The following AGAP1 variants were observed in gnomAD, a reference collection of about 807,000 sequenced individuals.
The protein encoded by AGAP1 is ArfGAP with GTPase domain, ankyrin repeat and PH domain 1, also known as arf-GAP with GTPase, ANK repeat and PH domain-containing protein 1.
In AGAP1, 29 loss-of-function variants were observed where a neutral mutation model predicts 105.3. The observed-to-expected ratio is 0.28, with a 90% confidence interval of 0.21 to 0.38. The LOEUF (loss-of-function observed/expected upper bound fraction) is 0.38. AGAP1 is among the 10% of genes least tolerant of loss of function. The probability of loss-of-function intolerance (pLI) is 1.00; values close to 1 mark genes in which losing one functional copy is unlikely to be tolerated. For missense variants in AGAP1, 998 were observed against 1,165.1 expected (o/e 0.86, Z 2.09); for synonymous variants, 509 against 485.9 (o/e 1.05, Z -0.63).
chr2:236,063,861 A>G (rs1333190006), intron 16 of AGAP1, among the ~76,000 whole-genome samples: 2 of 152,222 alleles, frequency 1.3e-5, no homozygotes, highest in East Asian at 3.8e-4. Context: ...AATTTCATCA[A>G]CCAGGGGTCT....
rs2057030151 is a variant in AGAP1, at chr2:236,025,777, C to G, written c.1646-10784C>G. ...AGACGCTGGGCGTGGTGGCTCACAC[C>G]TGTAATCCCAGCTACTCAGGAGGCT... On this transcript the variant is annotated intron_variant, in intron 13 of 17. Transcript: ENST00000304032. Among the ~76,000 whole-genome samples, 5 of 152,260 alleles carry G rather than the reference C, an allele frequency of 3.3e-5. No homozygotes were observed. The South Asian group carries it at 8.3e-4, about 25-fold the overall frequency.
chr2:235,914,877 T>C (rs1348257240), intron 11 of AGAP1, among the ~76,000 whole-genome samples: 1 of 152,174 alleles, frequency 6.6e-6, no homozygotes, highest in Non-Finnish European at 1.5e-5. Flanking sequence ...CAGGAGAGCA[T>C]GCATCGGAAC....
chr2:235,886,326 A>G (rs968667072), intron 10 of AGAP1, among the ~76,000 whole-genome samples: 1 of 152,246 alleles, frequency 6.6e-6, no homozygotes, highest in African/African-American at 2.4e-5. Flanking sequence ...TCCAGTCAAC[A>G]TATGCTCACT....
rs1435028150 is a variant in AGAP1, at chr2:235,799,503, G to A, written c.938G>A (p.Arg313His). 1.1e-5 allele frequency: 18 copies of A among 1,614,122 alleles called. No homozygotes were observed. Among genetic ancestry groups the A allele is most frequent in the Non-Finnish European group, 1.3e-5 (15 of 1,180,024 alleles). The stretch of plus-strand genomic sequence containing the variant: ...ACGCCCGTTCGCAAGCAGTCTAAGC[G>A]CCGGTCCAACCTGTTCACCGTGAGT... ...TPTPVRKQSK[R>H]RSNLFTSRKG... Residue 313 changes from arginine (R) to histidine (H), a missense_variant, in exon 8 of 18, where the codon CGC becomes CAC. Around this residue, in one of 3 missense-constraint regions of AGAP1, gnomAD observed 735 missense variants for 833.4 expected, o/e 0.88. Transcript: ENST00000304032. This position sits in a 1 kb window ranked among gnomAD's most constrained non-coding sequence, Gnocchi z 5.0.
chr2:236,074,532 T>C (rs531067053), intron 16 of AGAP1, among the ~76,000 whole-genome samples: 1 of 152,310 alleles, frequency 6.6e-6, no homozygotes, highest in African/African-American at 2.4e-5. Context: ...GTCCATTTGC[T>C]CTTACGAGAT....
At chr2:235,501,444 G>GT (rs1286503730) in intron 1 of AGAP1, among the ~76,000 whole-genome samples, 5 of 152,138 alleles carry the variant, frequency 3.3e-5, no homozygotes, top group Non-Finnish European at 5.9e-5. Context: ...CTGAAAGCGC[G>GT]TTTCTGTAAA....
intron 9 of AGAP1, among the ~76,000 whole-genome samples, chr2:235,862,418 G>C (rs909265901): frequency 2.6e-5 from 4 of 152,200 alleles, no homozygotes; most frequent in Non-Finnish European, 5.9e-5. Flanking sequence ...CGTGCACATG[G>C]AATGTTTCTG....
chr2:235,605,743 A>G (rs2149244948), intron 1 of AGAP1, among the ~76,000 whole-genome samples: 1 of 152,344 alleles, frequency 6.6e-6, no homozygotes, highest in East Asian at 1.9e-4. Context: ...CGGTCAGCAC[A>G]TTTTTGTTGT....
At chr2:235,937,357 G>A (rs1042634252) in intron 12 of AGAP1, among the ~76,000 whole-genome samples, 2 of 151,994 alleles carry the variant, frequency 1.3e-5, no homozygotes, top group African/African-American at 4.8e-5. Flanking sequence ...CTGGACACAG[G>A]GGGTGAAAGG....
rs910785450 is a variant in AGAP1, at chr2:235,931,526, C to T, written c.1483+603C>T. On this transcript the variant is annotated intron_variant, in intron 12 of 17. Coordinates refer to ENST00000304032, the MANE Select transcript of AGAP1 (RefSeq NM_001037131.3). This position sits in a 1 kb window ranked among gnomAD's most constrained non-coding sequence, Gnocchi z 5.6. ...AAACGATCTCGCCGTCTGTGTGGAG[C>T]GTGAATGACGCAGCACCGAGGGCAC... Among the ~76,000 whole-genome samples the T allele has an allele frequency of 1.2e-4, 19 of 152,024 alleles. No individual in the cohort carries two copies. The highest frequency in any genetic ancestry group is 4.3e-4 in the African/African-American group (18 of 41,472).
chr2:236,032,830 G>A (rs999230714), intron 13 of AGAP1, among the ~76,000 whole-genome samples: 5 of 152,154 alleles, frequency 3.3e-5, no homozygotes, highest in South Asian at 2.1e-4. Context: ...GCAGAGAGAC[G>A]GGAGGAAAGG....
Position 235,608,776 on chromosome 2 carries a change from G to C in AGAP1, c.164-100403G>C, listed in dbSNP as rs535439490. On this transcript the variant is annotated intron_variant, in intron 1 of 17. Transcript: ENST00000304032. This position sits in a 1 kb window ranked among gnomAD's most constrained non-coding sequence, Gnocchi z 5.4. ...GAGCAATTTTCCATGGAATATATCT[G>C]ATGGCAGGTCTTGAGGTCAGTCTGT... Among the ~76,000 whole-genome samples, 1 of 152,270 alleles carries C rather than the reference G, an allele frequency of 6.6e-6. No individual in the cohort carries two copies. The highest frequency in any genetic ancestry group is 2.1e-4 in the South Asian group (1 of 4,824).
intron 1 of AGAP1, among the ~76,000 whole-genome samples, chr2:235,686,588 C>CACATAT (rs1553605459): frequency 7.4e-5 from 8 of 108,508 alleles, no homozygotes; most frequent in African/African-American, 2.0e-4. Flanking sequence ...CACACACACA[C>CACATAT]GTGTGTGTGT....
Position 235,960,548 on chromosome 2 carries a change from C to T in AGAP1, c.1484-7914C>T, listed in dbSNP as rs905147113. 6.6e-6 allele frequency among the ~76,000 whole-genome samples: 1 copy of T among 152,176 alleles called. No homozygotes were observed. Among genetic ancestry groups the T allele is most frequent in the African/African-American group, 2.4e-5 (1 of 41,438 alleles). On this transcript the variant is annotated intron_variant, in intron 12 of 17. Transcript: ENST00000304032. The surrounding 1 kb of genome is among the most constrained non-coding windows in gnomAD (Gnocchi z 4.9). ...GTGCGGACTCTTCCGTACCTCACTT[C>T]TCCCTGCACCTGTGGCCCCTGCTAT...
chr2:235,610,578 A>T lies in AGAP1; in HGVS notation c.164-98601A>T, dbSNP rs907198268. ...ATCCTTATGACCTTGTCCAACCCTA[A>T]TTACCTTCCAAAGATCCCACCTCAG... On this transcript the variant is annotated intron_variant, in intron 1 of 17. Coordinates refer to ENST00000304032, the MANE Select transcript of AGAP1 (RefSeq NM_001037131.3). The surrounding 1 kb of genome is among the most constrained non-coding windows in gnomAD (Gnocchi z 4.9). Among the ~76,000 whole-genome samples, 2 of 152,140 alleles carry T rather than the reference A, an allele frequency of 1.3e-5. No individual in the cohort carries two copies. The highest frequency in any genetic ancestry group is 2.1e-4 in the South Asian group (1 of 4,814).
chr2:235,759,883 G>T (rs1439579166), intron 6 of AGAP1, among the ~76,000 whole-genome samples: 1 of 152,052 alleles, frequency 6.6e-6, no homozygotes, highest in Non-Finnish European at 1.5e-5. Flanking sequence ...AAAGCTTTTT[G>T]TATAGTAAAC....
chr2:235,633,757 T>C lies in AGAP1; in HGVS notation c.164-75422T>C, dbSNP rs1261358152. Reference sequence around the variant, plus strand: ...TTAATTACCTTATGACAGCTTTACCTAAAAAGATGGGGGAAGGTTACAGTA... The same window carrying C: ...TTAATTACCTTATGACAGCTTTACCCAAAAAGATGGGGGAAGGTTACAGTA... On this transcript the variant is annotated intron_variant, in intron 1 of 17. Coordinates refer to ENST00000304032, the MANE Select transcript of AGAP1 (RefSeq NM_001037131.3). This position sits in a 1 kb window ranked among gnomAD's most constrained non-coding sequence, Gnocchi z 4.8. Among the ~76,000 whole-genome samples, 1 of 152,140 alleles carries C rather than the reference T, an allele frequency of 6.6e-6. No individual in the cohort carries two copies. The highest frequency in any genetic ancestry group is 2.4e-5 in the African/African-American group (1 of 41,440).
intron 1 of AGAP1, among the ~76,000 whole-genome samples, chr2:235,527,456 G>A (rs1249245285): frequency 6.6e-6 from 1 of 152,086 alleles, no homozygotes; most frequent in African/African-American, 2.4e-5. Flanking sequence ...CTGTAGCCTC[G>A]ACCTCCTAGG....
At chr2:235,871,437 A>G (rs1423357513) in intron 9 of AGAP1, among the ~76,000 whole-genome samples, 2 of 152,124 alleles carry the variant, frequency 1.3e-5, no homozygotes, top group Admixed American at 6.6e-5. Context: ...GGGAGGGGGC[A>G]GGTTGCTAAT....
Sources: allele counts gnomAD v4.1 joint callset (sites outside exome capture counted in the v4.1 genomes callset), GRCh38; gene constraint gnomAD v4.1.1; regional missense constraint gnomAD v4.1.1; non-coding constraint Gnocchi (gnomAD v3.1); transcripts MANE v1.5; gene names NCBI Gene and HGNC (gene_info 2026-07-23, HGNC 2026-07-21).